SYNM: variants seen among roughly 807,000 people sequenced by gnomAD.
SYNM encodes the protein desmuslin.
In SYNM, 95 loss-of-function variants were observed where a neutral mutation model predicts 104.0. The ratio of observed to expected loss-of-function variants is 0.91; its 90% CI spans 0.77 to 1.08. The LOEUF (loss-of-function observed/expected upper bound fraction) is 1.08, where lower values mean the gene tolerates loss of function less well. Among genes scored for constraint, SYNM ranks in the 50% least tolerant of loss-of-function variants. The pLI, the probability that SYNM is intolerant of heterozygous loss-of-function variation, is 0.00. For synonymous variants in SYNM, 918 were observed against 869.0 expected, an observed-to-expected ratio of 1.06 and a Z score of -0.99; for missense variants, 2,150 against 2,052.2, an observed-to-expected ratio of 1.05 and a Z score of -0.92.
At position 99,126,724 on chromosome 15, in the gene SYNM, C is replaced by A; in HGVS notation, c.938C>A (p.Ala313Asp). 1.3e-6 allele frequency: 2 copies of A among 1,576,388 alleles called. No individual in the cohort carries two copies. Among genetic ancestry groups the A allele is most frequent in the South Asian group, 2.3e-5 (2 of 85,408 alleles). ...ATGTTTGTAAATTATTTTTACAGGGCCTTATTGGAAGGAGAAAGTAATCCA... is the reference window on the plus strand; with the variant it reads ...ATGTTTGTAAATTATTTTTACAGGGACTTATTGGAAGGAGAAAGTAATCCA... ...GLSLEVATYR[A>D]LLEGESNPEI... Residue 313 changes from alanine (A) to aspartate (D), a missense_variant and splice_region_variant, in exon 3 of 4, where the codon GCC becomes GAC. Coordinates refer to ENST00000336292, the MANE Select transcript of SYNM (RefSeq NM_145728.3).
intron 1 of SYNM, among the ~76,000 whole-genome samples, chr15:99,106,786 A>G (rs1217516261): frequency 6.6e-6 from 1 of 152,252 alleles, no homozygotes; most frequent in Non-Finnish European, 1.5e-5. Flanking sequence ...GTCCAGCCCT[A>G]GCGTTTGGCC....
At position 99,131,631 on chromosome 15, in the gene SYNM, G is replaced by A; in HGVS notation, c.3271G>A (p.Gly1091Arg). The change falls in exon 4 of 4, where the codon GGA (glycine) becomes AGA (arginine). Residue 1091 changes from glycine to arginine, a missense_variant. Transcript: ENST00000336292. The surrounding 1 kb of genome is among the most constrained non-coding windows in gnomAD (Gnocchi z 4.3). ...EVAGGASHSSGQRTPQGPVSA... is the reference protein window; with the variant it reads ...EVAGGASHSSRQRTPQGPVSA... ...TGCTGGTGGGGCCTCTCACAGCTCG[G>A]GACAGCGCACTCCCCAGGGCCCAGT... The A allele has an allele frequency of 6.2e-7, 1 of 1,610,814 alleles. No homozygotes were observed. Among genetic ancestry groups the A allele is most frequent in the Non-Finnish European group, 8.5e-7 (1 of 1,179,558 alleles).
intron 2 of SYNM, among the ~76,000 whole-genome samples, chr15:99,121,953 A>G (rs2067405611): frequency 6.6e-6 from 1 of 152,246 alleles, no homozygotes; most frequent in Admixed American, 6.5e-5. Context: ...TGGGGATGAA[A>G]GATATGATAA....
Position 99,132,925 on chromosome 15 carries a change from A to G in SYNM, c.4565A>G (p.Glu1522Gly), listed in dbSNP as rs1166216595. ...CAGGCCCACAGAGAACAGGGCAAGG[A>G]GCAGGCCATGTTTGATAAGAAGGTG... ...GDQAHREQGK[E>G]QAMFDKKVQL... Residue 1522 changes from glutamate (E) to glycine (G), a missense_variant, in exon 4 of 4, where the codon GAG (glutamate) becomes GGG (glycine). Transcript: ENST00000336292. 7 of 1,613,892 alleles carry G rather than the reference A, an allele frequency of 4.3e-6. No individual in the cohort carries two copies. The highest frequency in any genetic ancestry group is 1.6e-4 in the Middle Eastern group (1 of 6,062).
downstream of SYNM, chr15:99,136,310 A>G (rs1430699333): frequency 2.0e-5 from 3 of 152,278 alleles, no homozygotes; most frequent in Admixed American, 1.3e-4. Context: ...CAAGAAGTAC[A>G]GAAAGGAAGA....
chr15:99,108,052 G>C (rs1200604280), intron 1 of SYNM, among the ~76,000 whole-genome samples: 1 of 151,134 alleles, frequency 6.6e-6, no homozygotes, highest in Non-Finnish European at 1.5e-5. Context: ...TCGGCACACC[G>C]CAACATCCGC....
At position 99,105,663 on chromosome 15, in the gene SYNM, T is replaced by C; in HGVS notation, c.464T>C (p.Leu155Pro). The change falls in exon 1 of 4, where the codon CTG becomes CCG. Residue 155 changes from leucine to proline, a missense_variant. By Grantham distance (98) the Leu-to-Pro change is moderately conservative (BLOSUM62 -3). Coordinates refer to ENST00000336292, the MANE Select transcript of SYNM (RefSeq NM_145728.3). ...GCCCACGAACGCGACGTGAGGGAGC[T>C]GCGCGCGCGCGCCGCCAGCCTTACC... Reference protein sequence around the residue: ...DAAHERDVRELRARAASLTMH... With the variant: ...DAAHERDVREPRARAASLTMH... 7.2e-7 allele frequency: 1 copy of C among 1,394,830 alleles called. No individual in the cohort carries two copies. Among genetic ancestry groups the C allele is most frequent in the Non-Finnish European group, 9.3e-7 (1 of 1,075,210 alleles). The allele number at this position is 1,394,830 out of a possible 1,614,324, so 86.4% of individuals were successfully genotyped here. A position where few individuals can be genotyped will look rare whatever the true frequency, so the allele number is the denominator to read the frequency against.
downstream of SYNM, chr15:99,137,820 G>A: frequency 1.1e-6 from 1 of 871,918 alleles, no homozygotes; most frequent in South Asian, 1.9e-5. Flanking sequence ...ATATCACCCT[G>A]AAGGGCATCC....
At chr15:99,139,015 G>A, downstream of SYNM, 1 of 440,174 alleles carries the variant, frequency 2.3e-6, no homozygotes, top group Non-Finnish European at 4.2e-6. Context: ...GGCTGCAGGA[G>A]GCCACAGGGA....
downstream of SYNM, chr15:99,137,392 C>T (rs1024312301): frequency 6.6e-6 from 1 of 152,296 alleles, no homozygotes; most frequent in South Asian, 2.1e-4. Flanking sequence ...TTTCTTTTCA[C>T]TCCCTTACAC....
chr15:99,127,625 A>G (rs782229108), intron 3 of SYNM, among the ~76,000 whole-genome samples: 1 of 152,226 alleles, frequency 6.6e-6, no homozygotes, highest in Non-Finnish European at 1.5e-5. Flanking sequence ...TATAACTGGA[A>G]GGGATCTGGT....
rs1323989603 is a variant in SYNM, at chr15:99,130,071, A to C, written c.1711A>C (p.Ser571Arg). The change falls in exon 4 of 4, where the codon AGC (serine) becomes CGC (arginine). Residue 571 changes from serine (S) to arginine (R), a missense_variant. Ser to Arg is a moderately radical substitution (Grantham distance 110). Transcript: ENST00000336292. ...AKEKDSPKEK[S>R]VREREVPISL... The stretch of plus-strand genomic sequence containing the variant: ...GGAGAAGGACTCACCGAAGGAGAAG[A>C]GCGTGCGAGAGAGAGAGGTGCCGAT... The C allele has an allele frequency of 3.7e-6, 6 of 1,613,856 alleles. No homozygotes were observed. Among genetic ancestry groups the C allele is most frequent in the Middle Eastern group, 1.6e-4 (1 of 6,084 alleles).
intron 1 of SYNM, among the ~76,000 whole-genome samples, chr15:99,109,980 C>A (rs1233345794): frequency 6.6e-6 from 1 of 152,180 alleles, no homozygotes; most frequent in Non-Finnish European, 1.5e-5. Context: ...ACTGTTGCTG[C>A]TGTTTTAAAA....
rs1462202335 is a variant in SYNM at position 99,116,386 on chromosome 15, C to G, written c.935+2671C>G. ...ATTTTTCATTTGTGAGTGACAGAAA[C>G]TCTCCTCAGACTGCCCCAAGTCAGA... On this transcript the variant is annotated intron_variant, in intron 2 of 3. Transcript: ENST00000336292. 2.0e-5 allele frequency among the ~76,000 whole-genome samples: 3 copies of G among 152,180 alleles called. 1 individual carries two copies. Among genetic ancestry groups the G allele is most frequent in the Non-Finnish European group, 4.4e-5 (3 of 68,032 alleles).
intron 1 of SYNM, among the ~76,000 whole-genome samples, chr15:99,107,605 A>G (rs1186948350): frequency 6.6e-6 from 1 of 151,956 alleles, no homozygotes; most frequent in Non-Finnish European, 1.5e-5. Context: ...TTCTGGTTCC[A>G]GTGTTCTTTC....
intron 1 of SYNM, among the ~76,000 whole-genome samples, chr15:99,111,047 A>G (rs2067296200): frequency 1.3e-5 from 2 of 152,252 alleles, no homozygotes; most frequent in African/African-American, 2.4e-5. Context: ...GCTGACTCAC[A>G]TGGAAATGTG....
At position 99,105,836 on chromosome 15, in the gene SYNM, C is replaced by A; in HGVS notation, c.637C>A (p.Leu213Met). The A allele has an allele frequency of 1.3e-6, 2 of 1,542,594 alleles. No homozygotes were observed. Among genetic ancestry groups the A allele is most frequent in the Non-Finnish European group, 1.7e-6 (2 of 1,146,004 alleles). ...EDEVRELEEA[L>M]RRGQESRLQA... ...CGAGGTGCGCGAGCTGGAGGAGGCGCTGCGGCGCGGCCAGGAGAGCAGACT... is the reference window on the plus strand; with the variant it reads ...CGAGGTGCGCGAGCTGGAGGAGGCGATGCGGCGCGGCCAGGAGAGCAGACT... The change falls in exon 1 of 4, where the codon CTG (leucine) becomes ATG (methionine). Residue 213 changes from leucine (L) to methionine (M), a missense_variant. Physicochemically the swap from Leu to Met is conservative, Grantham distance 15. Coordinates refer to ENST00000336292, the MANE Select transcript of SYNM (RefSeq NM_145728.3).
Position 99,130,716 on chromosome 15 carries a change from G to A in SYNM, c.2356G>A (p.Glu786Lys), listed in dbSNP as rs2067493622. 2.5e-6 allele frequency: 4 copies of A among 1,613,698 alleles called. No homozygotes were observed. The highest frequency in any genetic ancestry group is 3.4e-6 in the Non-Finnish European group (4 of 1,179,720). The change falls in exon 4 of 4, where the codon GAG becomes AAG. Residue 786 changes from glutamate to lysine, a missense_variant. Glu to Lys is a moderately conservative substitution (Grantham distance 56). Coordinates refer to ENST00000336292, the MANE Select transcript of SYNM (RefSeq NM_145728.3). ...GCCAGGCCCCTGGGGGTTGGTTAAGGAGGAGGAAGGTTATGGAGAAAGCGA... is the reference window on the plus strand; with the variant it reads ...GCCAGGCCCCTGGGGGTTGGTTAAGAAGGAGGAAGGTTATGGAGAAAGCGA... ...VSPGPWGLVK[E>K]EEGYGESDVT...
Position 99,131,396 on chromosome 15 carries a change from T to C in SYNM, c.3036T>C (p.Asp1012=). Residue 1012 remains aspartate (D), a synonymous_variant, in exon 4 of 4, where the codon GAT becomes GAC. Transcript: ENST00000336292. The surrounding 1 kb of genome is among the most constrained non-coding windows in gnomAD (Gnocchi z 4.3). Reference sequence around the variant, plus strand: ...ACGTCTCACAAACTGTGGATGCCGATCGGTTAGACCTGGAGGAGCTGAGCA... The same window carrying C: ...ACGTCTCACAAACTGTGGATGCCGACCGGTTAGACCTGGAGGAGCTGAGCA... ...EVNVSQTVDA[D]RLDLEELSKD... 1 of 1,612,626 alleles carries C rather than the reference T, an allele frequency of 6.2e-7. No homozygotes were observed. The highest frequency in any genetic ancestry group is 8.5e-7 in the Non-Finnish European group (1 of 1,179,460).
Sources: allele counts gnomAD v4.1 joint callset (sites outside exome capture counted in the v4.1 genomes callset), GRCh38; gene constraint gnomAD v4.1.1; non-coding constraint Gnocchi (gnomAD v3.1); transcripts MANE v1.5; gene names NCBI Gene and HGNC (gene_info 2026-07-23, HGNC 2026-07-21).